Variants in KIF13B observed in about 807,000 individuals in gnomAD.
KIF13B encodes the protein kinesin family member 13B.
Under a neutral mutation model 222.0 loss-of-function variants are expected in KIF13B, and 127 were observed. The ratio of observed to expected loss-of-function variants is 0.57; its 90% CI spans 0.50 to 0.66. KIF13B has a LOEUF of 0.66. Among genes scored for constraint, KIF13B ranks in the 30% least tolerant of loss-of-function variants. The pLI is 0.00. For synonymous variants in KIF13B, 976 were observed against 919.0 expected, an observed-to-expected ratio of 1.06 and a Z score of -1.12; for missense variants, 2,173 against 2,379.0, an observed-to-expected ratio of 0.91 and a Z score of 1.80.
chr8:29,074,103 C>T (rs1193493949), intron 38 of KIF13B, among the ~76,000 whole-genome samples: 1 of 152,188 alleles, frequency 6.6e-6, no homozygotes, highest in Admixed American at 6.5e-5. Context: ...GTTCCCCGCC[C>T]CCACCCCGGG....
At chr8:29,124,879 A>C (rs1182540189) in intron 26 of KIF13B, among the ~76,000 whole-genome samples, 4 of 133,490 alleles carry the variant, frequency 3.0e-5, no homozygotes, top group Non-Finnish European at 6.4e-5. Flanking sequence ...ACAAAACTCC[A>C]TCCCAAAAAA....
At chr8:29,211,753 C>T (rs1325181191) in intron 2 of KIF13B, among the ~76,000 whole-genome samples, 2 of 152,206 alleles carry the variant, frequency 1.3e-5, no homozygotes, top group African/African-American at 4.8e-5. Context: ...GAGGAAAGAT[C>T]TCCTTAAACA....
At chr8:29,072,413 G>T in intron 38 of KIF13B, 97 bp from the exon 39 acceptor site, 1 of 789,132 alleles carries the variant, frequency 1.3e-6, no homozygotes, top group Non-Finnish European at 1.8e-6. Context: ...GAGGCCAGGG[G>T]CAGTGGCTCA....
At chr8:29,081,218 A>G (rs1007415566) in intron 37 of KIF13B, among the ~76,000 whole-genome samples, 11 of 152,134 alleles carry the variant, frequency 7.2e-5, no homozygotes, top group Admixed American at 3.3e-4. Flanking sequence ...TGCTTTCTCA[A>G]CGGAAAGCTC....
At chr8:29,229,088 T>TAAAAAAAAAAAAAAAAAAAA (rs370080449) in intron 2 of KIF13B, among the ~76,000 whole-genome samples, 1 of 94,692 alleles carries the variant, frequency 1.1e-5, no homozygotes, top group Non-Finnish European at 2.0e-5. Flanking sequence ...ATGTCAGCTT[T>TAAAAAAAAAAAAAAAAAAAA]AAAAAAAAAA....
In KIF13B at chr8:29,186,481, A is replaced by T. The variant is rs773810904; in HGVS notation, c.317-9T>A. ...ATAAGATTTTCCAGAGCCTAAAAAA[A>T]TGGAAATCAGAGTTACTATTGTCTC... On this transcript the variant is annotated splice_polypyrimidine_tract_variant and intron_variant, in intron 5 of 39. Coordinates refer to ENST00000524189, the MANE Select transcript of KIF13B (RefSeq NM_015254.4). The T allele has an allele frequency of 2.5e-6, 4 of 1,596,968 alleles. No individual in the cohort carries two copies. The African/African-American group carries it at 5.4e-5, about 22-fold the overall frequency.
At chr8:29,088,571 G>A (rs1301721419) in intron 37 of KIF13B, among the ~76,000 whole-genome samples, 1 of 152,164 alleles carries the variant, frequency 6.6e-6, no homozygotes, top group Admixed American at 6.5e-5. Context: ...TTCTAGTGAA[G>A]TTTGTGAAAA....
At chr8:29,135,210 A>AT (rs908312737) in intron 21 of KIF13B, among the ~76,000 whole-genome samples, 2 of 151,830 alleles carry the variant, frequency 1.3e-5, no homozygotes, top group Admixed American at 6.6e-5. Context: ...TGCCCAGCTA[A>AT]TTTTTTTTAT....
At position 29,155,993 on chromosome 8, in the gene KIF13B, G is replaced by C. The variant is rs189113270; in HGVS notation, c.1405-137C>G. 2.1e-4 allele frequency: 128 copies of C among 610,588 alleles called. No individual in the cohort carries two copies. The East Asian group carries it at 4.2e-3, about 20-fold the overall frequency. 37.8% of individuals were successfully genotyped at this position (610,588 alleles called of 1,614,324 possible). On this transcript the variant is annotated intron_variant, in intron 13 of 39. Transcript: ENST00000524189. ...TTATTTTTATTTTATTTTTGAGACAGAGTCTTGCTCTATCCCCCATGCTGG... is the reference window on the plus strand; with the variant it reads ...TTATTTTTATTTTATTTTTGAGACACAGTCTTGCTCTATCCCCCATGCTGG...
chr8:29,250,821 A>C (rs187876389), intron 1 of KIF13B, among the ~76,000 whole-genome samples: 265 of 152,368 alleles, frequency 1.7e-3, no homozygotes, highest in Non-Finnish European at 3.1e-3. Context: ...ACACATTTCG[A>C]TATAAAATGC....
At chr8:29,128,738 G>A (rs1342214739) in intron 24 of KIF13B, among the ~76,000 whole-genome samples, 1 of 152,148 alleles carries the variant, frequency 6.6e-6, no homozygotes, top group Non-Finnish European at 1.5e-5. Context: ...ACAGAAAAAC[G>A]TTTAAAAGTA....
upstream of KIF13B, chr8:29,263,107 CG>C: frequency 1.6e-6 from 1 of 641,348 alleles, no homozygotes; most frequent in African/African-American, 2.1e-5. Flanking sequence ...GTTGACCCGG[CG>C]GGAGGGGGCC....
At chr8:29,083,405 C>T (rs1010269942) in intron 37 of KIF13B, among the ~76,000 whole-genome samples, 16 of 152,130 alleles carry the variant, frequency 1.1e-4, no homozygotes, top group Admixed American at 2.6e-4. Flanking sequence ...TGGCAACACT[C>T]GGTCTAGAGA....
At chr8:29,200,516 C>T (rs527484261) in intron 2 of KIF13B, among the ~76,000 whole-genome samples, 1 of 152,102 alleles carries the variant, frequency 6.6e-6, no homozygotes, top group African/African-American at 2.4e-5. Context: ...AAAAATAGTA[C>T]AAAAAAATCC....
chr8:29,086,424 G>A (rs1358394277), intron 37 of KIF13B, among the ~76,000 whole-genome samples: 1 of 152,174 alleles, frequency 6.6e-6, no homozygotes, highest in Non-Finnish European at 1.5e-5. Context: ...GGGAGGCTGA[G>A]GTTAGAGGAT....
At chr8:29,093,871 C>T (rs1366589433) in intron 36 of KIF13B, among the ~76,000 whole-genome samples, 1 of 151,486 alleles carries the variant, frequency 6.6e-6, no homozygotes, top group Admixed American at 6.6e-5. Context: ...TTAGAAAAGT[C>T]CAATTATTTA....
intron 37 of KIF13B, among the ~76,000 whole-genome samples, chr8:29,076,953 C>A (rs978835466): frequency 6.6e-6 from 1 of 151,910 alleles, no homozygotes; most frequent in East Asian, 1.9e-4. Flanking sequence ...CCACCCTGGG[C>A]AACAAAGCAA....
Position 29,127,250 on chromosome 8 carries a change from G to T in KIF13B, c.3094C>A (p.Gln1032Lys), listed in dbSNP as rs1159382252. ...QLRQGQSRRV[Q>K]VEVKSVQESG... The stretch of plus-strand genomic sequence containing the variant: ...TCCTGCACTGACTTCACTTCGACTT[G>T]AACTCTCCGGGACTGCCCCTGGGTC... The change falls in exon 25 of 40, where the codon CAA (glutamine) becomes AAA (lysine). Residue 1032 changes from glutamine to lysine, a missense_variant. By Grantham distance (53) the Gln-to-Lys change is moderately conservative. This residue lies in a region of KIF13B where 1,480 missense variants were observed against 1,722.8 expected (regional missense o/e 0.86). Coordinates refer to ENST00000524189, the MANE Select transcript of KIF13B (RefSeq NM_015254.4). The T allele has an allele frequency of 3.1e-6, 5 of 1,613,866 alleles. No homozygotes were observed. In the East Asian group the frequency reaches 8.9e-5, roughly 29 times the overall value.
intron 37 of KIF13B, among the ~76,000 whole-genome samples, chr8:29,092,056 C>T (rs529895508): frequency 8.1e-4 from 124 of 152,304 alleles, no homozygotes; most frequent in South Asian, 1.5e-3. Flanking sequence ...GTCAAAAGAC[C>T]TATTTGGACA....
Sources: allele counts gnomAD v4.1 joint callset (sites outside exome capture counted in the v4.1 genomes callset), GRCh38; gene constraint gnomAD v4.1.1; regional missense constraint gnomAD v4.1.1; transcripts MANE v1.5; gene names NCBI Gene and HGNC (gene_info 2026-07-23, HGNC 2026-07-21).